Variants in RMP64 observed in about 807,000 individuals in gnomAD.
RMP64 encodes nucleolus and neural progenitor protein.
the RMP64 span, chr3:113,014,299 T>TA: frequency 6.7e-6 from 2 of 300,014 alleles, no homozygotes; most frequent in Non-Finnish European, 1.3e-5. Context: ...CTTGATGTCA[T>TA]AAAAGGGACC....
chr3:113,008,082 A>G, the RMP64 span: 1 of 1,224,686 alleles, frequency 8.2e-7, no homozygotes, highest in Non-Finnish European at 1.2e-6. Flanking sequence ...GCTGCTGGAC[A>G]TCACATTTTA....
At chr3:113,012,668 C>A in the RMP64 span, 2 of 904,502 alleles carry the variant, frequency 2.2e-6, no homozygotes, top group Non-Finnish European at 3.6e-6. Context: ...TTGAAAACTA[C>A]TAATAAGAAA....
At chr3:113,006,770 G>A in the RMP64 span, among the ~76,000 whole-genome samples, 1 of 152,142 alleles carries the variant, frequency 6.6e-6, no homozygotes, top group Non-Finnish European at 1.5e-5. Flanking sequence ...TATAAGCAGT[G>A]GCTTTTAAGT....
the RMP64 span, chr3:113,011,297 T>G: frequency 6.2e-7 from 1 of 1,613,676 alleles, no homozygotes; most frequent in Admixed American, 1.7e-5. Flanking sequence ...GAAGGAAAGG[T>G]AAAATCTTTG....
the RMP64 span, chr3:113,011,083 T>C: frequency 2.5e-6 from 4 of 1,606,720 alleles, no homozygotes; most frequent in Admixed American, 1.7e-5. Flanking sequence ...CTGTCCAAGA[T>C]CCACATTATT....
chr3:113,010,378 T>G, the RMP64 span: 130 of 430,258 alleles, frequency 3.0e-4, no homozygotes, highest in East Asian at 5.4e-3. Flanking sequence ...GTACAATCCA[T>G]ACTTAACAAC....
At chr3:113,016,502 C>G in the RMP64 span, among the ~76,000 whole-genome samples, 1 of 152,102 alleles carries the variant, frequency 6.6e-6, no homozygotes, top group Non-Finnish European at 1.5e-5. Flanking sequence ...AACCCAGAAG[C>G]TAGAAGGAGA....
chr3:113,007,948 A>G, the RMP64 span, among the ~76,000 whole-genome samples: 2 of 152,244 alleles, frequency 1.3e-5, no homozygotes, highest in South Asian at 4.1e-4. Flanking sequence ...GATGAAGAGC[A>G]TAACGGGGAC....
At chr3:113,018,236 GC>G in the RMP64 span, among the ~76,000 whole-genome samples, 1 of 152,164 alleles carries the variant, frequency 6.6e-6, no homozygotes, top group African/African-American at 2.4e-5. Context: ...GGCTCTAAAG[GC>G]AGCACTAGCA....
At chr3:113,002,562 A>AATTC in the RMP64 span, 1 of 152,322 alleles carries the variant, frequency 6.6e-6, no homozygotes, top group Non-Finnish European at 1.5e-5. Context: ...GGGGTACATG[A>AATTC]AGGAACATGT....
the RMP64 span, among the ~76,000 whole-genome samples, chr3:113,006,213 T>TC: frequency 1.3e-5 from 2 of 152,050 alleles, no homozygotes; most frequent in Non-Finnish European, 2.9e-5. Flanking sequence ...GACGAATGTG[T>TC]CCCCATTTTG....
At chr3:113,012,258 A>C in the RMP64 span, among the ~76,000 whole-genome samples, 1 of 152,244 alleles carries the variant, frequency 6.6e-6, no homozygotes, top group African/African-American at 2.4e-5. Flanking sequence ...AATTGCATTT[A>C]TCATTGCCAT....
At chr3:113,006,601 A>G in the RMP64 span, among the ~76,000 whole-genome samples, 1 of 152,248 alleles carries the variant, frequency 6.6e-6, no homozygotes, top group East Asian at 1.9e-4. Flanking sequence ...TTTTGCTTCC[A>G]CACACGGTAC....
chr3:113,005,411 G>A, the RMP64 span: 3 of 644,182 alleles, frequency 4.7e-6, no homozygotes, highest in East Asian at 7.9e-5. Flanking sequence ...ATGAACTCCT[G>A]TGCAATGCTG....
the RMP64 span, chr3:113,019,661 A>C: frequency 6.2e-7 from 1 of 1,608,034 alleles, no homozygotes; most frequent in South Asian, 1.1e-5. Flanking sequence ...AGGCGGGGGG[A>C]CTTACGAAAG....
the RMP64 span, chr3:113,005,733 T>C: frequency 1.9e-6 from 3 of 1,614,086 alleles, no homozygotes; most frequent in South Asian, 3.3e-5. Context: ...AGCTGCTTAC[T>C]GTTAGGGTAG....
the RMP64 span, chr3:113,013,807 A>G: frequency 4.4e-6 from 3 of 678,128 alleles, no homozygotes; most frequent in Non-Finnish European, 8.0e-6. Flanking sequence ...CACAAACACC[A>G]GGTACCCCAC....
chr3:113,017,576 C>T, the RMP64 span: 2 of 1,614,092 alleles, frequency 1.2e-6, no homozygotes, highest in Non-Finnish European at 1.7e-6. Context: ...AGATGGCATT[C>T]TTTAATTACA....
the RMP64 span, chr3:113,017,650 GTATAT>G: frequency 2.4e-5 from 36 of 1,506,550 alleles, no homozygotes; most frequent in African/African-American, 1.1e-4. Context: ...TCTACAGTAA[GTATAT>G]TATATTAAAA....
Sources: gnomAD v4.1 joint callset for allele counts (sites outside exome capture counted in the v4.1 genomes callset) on GRCh38, gnomAD v4.1.1 for gene constraint, MANE v1.5 for transcripts, NCBI Gene and HGNC (gene_info 2026-07-23, HGNC 2026-07-21) for gene names.